HPSE2: variants seen among roughly 807,000 people sequenced by gnomAD.
HPSE2 encodes heparanase 2 (inactive), also known as inactive heparanase-2.
In HPSE2, 38 loss-of-function variants were observed where a neutral mutation model predicts 60.5. That is an observed-to-expected ratio of 0.63 (90% confidence interval 0.48 to 0.82). The LOEUF is 0.82. Among genes scored for constraint, HPSE2 ranks in the 40% least tolerant of loss-of-function variants. HPSE2 has a pLI of 0.00. For missense variants in HPSE2, 713 were observed against 740.4 expected (o/e 0.96, Z 0.43); for synonymous variants, 295 against 293.2 (o/e 1.01, Z -0.06).
intron 5 of HPSE2, among the ~76,000 whole-genome samples, chr10:98,709,001 T>C (rs1353725643): frequency 2.6e-5 from 4 of 152,182 alleles, no homozygotes; most frequent in Non-Finnish European, 4.4e-5. Context: ...GCTTTCTATA[T>C]CTTATATGCA....
rs186768640 is a variant in HPSE2 at position 98,911,681 on chromosome 10, T to A, written c.611-167625A>T. Among the ~76,000 whole-genome samples the A allele has an allele frequency of 2.0e-3, 311 of 152,280 alleles. 5 individuals are homozygous for A. Among genetic ancestry groups the A allele is most frequent in the East Asian group, 9.6e-4 (5 of 5,186 alleles). ...TTGAAACAAGCCAAGAAGGCTAGAC[T>A]TCATTGTTTAGGCATTGAGTAGGGG... On this transcript the variant is annotated intron_variant, in intron 3 of 11. Transcript: ENST00000370552.
intron 3 of HPSE2, among the ~76,000 whole-genome samples, chr10:98,916,752 G>A (rs1954129481): frequency 6.6e-6 from 1 of 152,168 alleles, no homozygotes; most frequent in South Asian, 2.1e-4. Flanking sequence ...TTTATATTCT[G>A]GAAGATAGTC....
intron 3 of HPSE2, among the ~76,000 whole-genome samples, chr10:98,752,861 T>C (rs1414963): frequency 0.71 from 107,738 of 151,930 alleles, 39,203 homozygotes; most frequent in South Asian, 0.81. Context: ...TACTCAGCCA[T>C]AAAAAGAATA....
intron 3 of HPSE2, among the ~76,000 whole-genome samples, chr10:98,960,236 G>A (rs1482668352): frequency 6.6e-6 from 1 of 152,048 alleles, no homozygotes; most frequent in Non-Finnish European, 1.5e-5. Flanking sequence ...ATGCTAGTAT[G>A]TCATTAGCAC....
At chr10:98,951,541 G>A (rs1955356829) in intron 3 of HPSE2, among the ~76,000 whole-genome samples, 1 of 152,124 alleles carries the variant, frequency 6.6e-6, no homozygotes, top group South Asian at 2.1e-4. Context: ...GAAGAAGGAT[G>A]CAAAAAAGCC....
chr10:98,993,438 T>C (rs1007213113), intron 3 of HPSE2, among the ~76,000 whole-genome samples: 1 of 152,248 alleles, frequency 6.6e-6, no homozygotes, highest in African/African-American at 2.4e-5. Flanking sequence ...TGTCACAGCC[T>C]AGTTTCCCTT....
chr10:99,195,300 G>C (rs1449323613), intron 2 of HPSE2, among the ~76,000 whole-genome samples: 1 of 151,664 alleles, frequency 6.6e-6, no homozygotes, highest in African/African-American at 2.4e-5. Flanking sequence ...CTAAGATCTA[G>C]AACAAGACAA....
chr10:99,030,046 T>C (rs1183373673), intron 3 of HPSE2, among the ~76,000 whole-genome samples: 4 of 152,204 alleles, frequency 2.6e-5, no homozygotes, highest in East Asian at 1.9e-4. Context: ...GCTCGCACTC[T>C]TGTCTTCTGG....
chr10:98,849,116 C>A (rs1370634867), intron 3 of HPSE2, among the ~76,000 whole-genome samples: 2 of 151,922 alleles, frequency 1.3e-5, no homozygotes, highest in Non-Finnish European at 2.9e-5. Flanking sequence ...AAACTGAAGT[C>A]CAAAGAGGTT....
chr10:99,202,441 C>T lies in HPSE2; in HGVS notation c.448+29907G>A, dbSNP rs189743795. 2.0e-4 allele frequency among the ~76,000 whole-genome samples: 31 copies of T among 152,264 alleles called. 1 individual carries two copies. Among genetic ancestry groups the T allele is most frequent in the East Asian group, 1.4e-3 (7 of 5,182 alleles). ...AAGAGTAACCATGTATTGTTGAAGA[C>T]GACAGATTTTAGAATCATTAGCACT... On this transcript the variant is annotated intron_variant, in intron 2 of 11. Transcript: ENST00000370552.
chr10:98,751,722 T>G (rs548802522), intron 3 of HPSE2, among the ~76,000 whole-genome samples: 5 of 152,340 alleles, frequency 3.3e-5, no homozygotes, highest in African/African-American at 1.2e-4. Flanking sequence ...AACTCAACGC[T>G]TTGATGTCAG....
At chr10:99,164,920 C>T (rs973565678) in intron 2 of HPSE2, among the ~76,000 whole-genome samples, 2 of 151,736 alleles carry the variant, frequency 1.3e-5, no homozygotes, top group South Asian at 2.1e-4. Context: ...CCCGTCTCTA[C>T]TAAAAATAAA....
intron 4 of HPSE2, among the ~76,000 whole-genome samples, chr10:98,730,588 A>G (rs1949202392): frequency 6.6e-6 from 1 of 152,170 alleles, no homozygotes; most frequent in South Asian, 2.1e-4. Flanking sequence ...GACCACCGAA[A>G]AAAGAGAGAG....
intron 10 of HPSE2, among the ~76,000 whole-genome samples, chr10:98,489,606 T>C (rs1417283175): frequency 6.6e-6 from 1 of 152,186 alleles, no homozygotes; most frequent in Non-Finnish European, 1.5e-5. Flanking sequence ...TAGGGCTAGG[T>C]TTCTAGCGGC....
intron 3 of HPSE2, among the ~76,000 whole-genome samples, chr10:99,019,238 T>A (rs753843484): frequency 4.6e-5 from 7 of 152,330 alleles, no homozygotes; most frequent in Non-Finnish European, 8.8e-5. Context: ...GTTAGCTGCT[T>A]GCTGGGCCAT....
intron 9 of HPSE2, among the ~76,000 whole-genome samples, chr10:98,583,842 T>C (rs1944868508): frequency 6.6e-6 from 1 of 152,246 alleles, no homozygotes; most frequent in Admixed American, 6.5e-5. Flanking sequence ...ACTTTGTTCC[T>C]TTTATTGCTA....
chr10:98,744,928 C>T (rs749231801), intron 3 of HPSE2, among the ~76,000 whole-genome samples: 2 of 152,178 alleles, frequency 1.3e-5, no homozygotes, highest in Non-Finnish European at 2.9e-5. Flanking sequence ...CATTGCCGGG[C>T]GTGGTGGCTC....
chr10:99,019,368 G>A (rs1957211267), intron 3 of HPSE2, among the ~76,000 whole-genome samples: 2 of 152,110 alleles, frequency 1.3e-5, no homozygotes, highest in African/African-American at 4.8e-5. Context: ...CTCACTATAT[G>A]GGAGTTAATT....
intron 3 of HPSE2, among the ~76,000 whole-genome samples, chr10:99,055,181 A>G (rs534387281): frequency 1.6e-4 from 24 of 152,356 alleles, no homozygotes; most frequent in Admixed American, 4.6e-4. Flanking sequence ...GAAATGGCCC[A>G]GATGTTGGAC....
Sources: allele counts gnomAD v4.1 joint callset (sites outside exome capture counted in the v4.1 genomes callset), GRCh38; gene constraint gnomAD v4.1.1; transcripts MANE v1.5; gene names NCBI Gene and HGNC (gene_info 2026-07-23, HGNC 2026-07-21).